Variants in SP7 observed in about 807,000 individuals in gnomAD.
SP7 encodes transcription factor Sp7.
In SP7, 13 loss-of-function variants were observed where a neutral mutation model predicts 27.9. The observed-to-expected ratio is 0.47, with a 90% CI of 0.30 to 0.74. SP7 has a LOEUF of 0.74. Ranked by LOEUF, SP7 falls within the 30% of genes least tolerant of loss-of-function variation. The pLI is 0.06. For missense variants in SP7, 525 were observed against 558.0 expected, an observed-to-expected ratio of 0.94 and a Z score of 0.60; for synonymous variants, 219 against 226.7, an observed-to-expected ratio of 0.97 and a Z score of 0.31.
upstream of SP7, among the ~76,000 whole-genome samples, chr12:53,337,774 T>C (rs1311452256): frequency 6.6e-6 from 1 of 152,044 alleles, no homozygotes; most frequent in African/African-American, 2.4e-5. Flanking sequence ...TCTAGCCCCA[T>C]GATTTGATTT....
chr12:53,338,211 G>A (rs930518197), upstream of SP7, among the ~76,000 whole-genome samples: 1 of 151,976 alleles, frequency 6.6e-6, no homozygotes, highest in Non-Finnish European at 1.5e-5. Context: ...CTGATTACAC[G>A]GGCCACCCCA....
rs888614623 is a variant in SP7, at chr12:53,344,151, A to C, written c.-34+963T>G. ...TCAGATGTGAGGGGTGAGTAGTCAC[A>C]CATGACTTCCCTTGATCTGTGTGTT... is the stretch of plus-strand genomic sequence containing the variant. On this transcript the variant is annotated intron_variant, in intron 1 of 1. Transcript: ENST00000547755. The surrounding 1 kb of genome is among the most constrained non-coding windows in gnomAD (Gnocchi z 4.6). Among the ~76,000 whole-genome samples, 3 of 152,192 alleles carry C rather than the reference A, an allele frequency of 2.0e-5. No homozygotes were observed. The highest frequency in any genetic ancestry group is 6.5e-5 in the Admixed American group (1 of 15,284).
rs375118808 is a variant in SP7 at position 53,329,223 on chromosome 12, C to T, written c.219G>A (p.Gly73=). ...GAGGACTGCCTGCAGGTGAAAGGAG[C>T]CCATTAGTGCTTGTAAAGGGGGCTG... ...AYPAPFTSTN[G]LLSPAGSPPA... Residue 73 remains glycine, a synonymous_variant, in exon 3 of 3, where the codon GGG becomes GGA. Transcript: ENST00000536324. The T allele has an allele frequency of 1.7e-5, 28 of 1,613,592 alleles. No individual in the cohort carries two copies. The African/African-American group carries it at 3.1e-4, about 18-fold the overall frequency.
rs79661050 is a variant in SP7, at chr12:53,344,576, C to T, written c.-34+538G>A. On this transcript the variant is annotated intron_variant, in intron 1 of 1. Coordinates refer to the SP7 transcript ENST00000547755. The surrounding 1 kb of genome is among the most constrained non-coding windows in gnomAD (Gnocchi z 4.6). The stretch of plus-strand genomic sequence containing the variant: ...CTGGATTTCAAAGCGCTGTTCAATG[C>T]CCCCATCCACCCCCACCTCGCGTGG... Among the ~76,000 whole-genome samples the T allele has an allele frequency of 8.3e-3, 1,259 of 152,290 alleles. 12 individuals carry two copies. The highest frequency in any genetic ancestry group is 0.029 in the African/African-American group (1,187 of 41,566).
In SP7 at chr12:53,328,102, G is replaced by A; in HGVS notation, c.*44C>T. ...CAAGCAGTGGTCTAGAGAGCCAAGA[G>A]AGACTGTCAGGGCAGCCCTGGGGTG... On this transcript the variant is annotated 3_prime_UTR_variant, in exon 3 of 3. Coordinates refer to ENST00000536324, the MANE Select transcript of SP7 (RefSeq NM_001173467.3). The surrounding 1 kb of genome is among the most constrained non-coding windows in gnomAD (Gnocchi z 5.1). 6.5e-7 allele frequency: 1 copy of A among 1,530,312 alleles called. No individual in the cohort carries two copies. Among genetic ancestry groups the A allele is most frequent in the Non-Finnish European group, 8.8e-7 (1 of 1,138,004 alleles). 94.8% of individuals were successfully genotyped at this position (1,530,312 alleles called of 1,614,324 possible). A position where few individuals can be genotyped will look rare whatever the true frequency, so the allele number is the denominator to read the frequency against.
chr12:53,342,221 C>T (rs1944830604), intron 1 of SP7, among the ~76,000 whole-genome samples: 1 of 152,052 alleles, frequency 6.6e-6, no homozygotes, highest in South Asian at 2.1e-4. Context: ...CGAGATTGTG[C>T]CACTGCACTC....
intron 2 of SP7, 126 bp from the exon 3 acceptor site, chr12:53,329,546 G>T (rs947855585): frequency 1.1e-5 from 9 of 802,716 alleles, no homozygotes; most frequent in Non-Finnish European, 2.0e-6. Flanking sequence ...GAGTTGAAGA[G>T]GGTGGAGAAT....
upstream of SP7, among the ~76,000 whole-genome samples, chr12:53,337,715 C>T (rs926929626): frequency 1.3e-5 from 2 of 152,066 alleles, no homozygotes; most frequent in African/African-American, 2.4e-5. Flanking sequence ...ACAGCAGTTT[C>T]GCCAGCAGGT....
chr12:53,342,552 A>T (rs2136855336), intron 1 of SP7, among the ~76,000 whole-genome samples: 1 of 152,342 alleles, frequency 6.6e-6, no homozygotes, highest in Admixed American at 6.5e-5. Flanking sequence ...GTGGTGGCTC[A>T]CGCCTGTAAT....
chr12:53,342,796 CACAG>C (rs1944835122), intron 1 of SP7, among the ~76,000 whole-genome samples: 1 of 151,442 alleles, frequency 6.6e-6, no homozygotes, highest in Non-Finnish European at 1.5e-5. Flanking sequence ...GCCTAGGTGA[CACAG>C]AGAGACTCCG....
chr12:53,328,299 C>T lies in SP7; in HGVS notation c.1143G>A (p.Pro381=), dbSNP rs145360109. 2.5e-6 allele frequency: 4 copies of T among 1,610,626 alleles called. No homozygotes were observed. Among genetic ancestry groups the T allele is most frequent in the South Asian group, 1.1e-5 (1 of 90,548 alleles). Reference sequence around the variant, plus strand: ...CCTTGGGGCCACTGGGAGGGGGACCCGGGCCTGGTTCTCCATGGGTGCGCT... The same window carrying T: ...CCTTGGGGCCACTGGGAGGGGGACCTGGGCCTGGTTCTCCATGGGTGCGCT... ...KHQRTHGEPG[P]GPPPSGPKEL... is the part of the protein sequence containing the mutation. Residue 381 remains proline, a synonymous_variant, in exon 3 of 3, where the codon CCG becomes CCA. Transcript: ENST00000536324. This position sits in a 1 kb window ranked among gnomAD's most constrained non-coding sequence, Gnocchi z 5.1.
rs909084395 is a variant in SP7, at chr12:53,326,728, C to G, written c.*1418G>C. 3.3e-5 allele frequency: 5 copies of G among 152,478 alleles called. No homozygotes were observed. Among genetic ancestry groups the G allele is most frequent in the African/African-American group, 1.2e-4 (5 of 41,404 alleles). The allele number at this position is 152,478 out of a possible 1,614,324, so 9.4% of individuals were successfully genotyped here. ...CAGCAGGGGACAGAAAAGGAGGATC[C>G]AACGTTACAGGAAAGGCACGAAGCG... On this transcript the variant is annotated 3_prime_UTR_variant, in exon 3 of 3. Transcript: ENST00000536324.
At position 53,328,056 on chromosome 12, in the gene SP7, T is replaced by G; in HGVS notation, c.*90A>C. On this transcript the variant is annotated 3_prime_UTR_variant, in exon 3 of 3. Transcript: ENST00000536324. The surrounding 1 kb of genome is among the most constrained non-coding windows in gnomAD (Gnocchi z 5.1). ...AGAGAGCCCCGAAGGATGGCATGCA[T>G]GGGGTAAAGAGAGTGATTGGCAAGC... 2.3e-6 allele frequency: 3 copies of G among 1,307,072 alleles called. No individual in the cohort carries two copies. The highest frequency in any genetic ancestry group is 3.1e-6 in the Non-Finnish European group (3 of 970,784). 81.0% of individuals were successfully genotyped at this position (1,307,072 alleles called of 1,614,324 possible).
intron 2 of SP7, among the ~76,000 whole-genome samples, chr12:53,332,946 A>C (rs946699403): frequency 2.0e-4 from 30 of 151,992 alleles, no homozygotes; most frequent in African/African-American, 6.8e-4. Flanking sequence ...CGGCCCTCAC[A>C]CTGCGGCCAC....
At chr12:53,332,289 A>G (rs1944714377) in intron 2 of SP7, among the ~76,000 whole-genome samples, 1 of 152,220 alleles carries the variant, frequency 6.6e-6, no homozygotes, top group Non-Finnish European at 1.5e-5. Flanking sequence ...ACCTGAGAGG[A>G]AAAATTGGCA....
At chr12:53,340,390 C>A (rs1286623406), upstream of SP7, among the ~76,000 whole-genome samples, 1 of 152,140 alleles carries the variant, frequency 6.6e-6, no homozygotes, top group Non-Finnish European at 1.5e-5. Context: ...GAGGCCACTG[C>A]CAGTCCTGCA....
At chr12:53,333,727 G>GCTTCCCTCTCTGAACCCCACGTT (rs6144721) in intron 2 of SP7, among the ~76,000 whole-genome samples, 102,919 of 150,940 alleles carry the variant, frequency 0.68, 35,696 homozygotes, top group East Asian at 0.95. Flanking sequence ...AGCAGCAGCT[G>GCTTCCCTCTCTGAACCCCACGTT]CTTCCCACTG....
chr12:53,330,540 A>T (rs1338132513), intron 2 of SP7, among the ~76,000 whole-genome samples: 1 of 152,098 alleles, frequency 6.6e-6, no homozygotes, highest in Admixed American at 6.5e-5. Flanking sequence ...CTGTGAGAAG[A>T]ACTGGGGATA....
upstream of SP7, among the ~76,000 whole-genome samples, chr12:53,337,943 A>T (rs1400573541): frequency 6.6e-6 from 1 of 152,128 alleles, no homozygotes; most frequent in Non-Finnish European, 1.5e-5. Context: ...GGAAACAGGA[A>T]AACAGAAGAC....
Sources: allele counts gnomAD v4.1 joint callset (sites outside exome capture counted in the v4.1 genomes callset), GRCh38; gene constraint gnomAD v4.1.1; non-coding constraint Gnocchi (gnomAD v3.1); transcripts MANE v1.5; gene names NCBI Gene and HGNC (gene_info 2026-07-23, HGNC 2026-07-21).